ZC3H12B: variants seen among roughly 807,000 people sequenced by gnomAD.
ZC3H12B encodes the protein zinc finger CCCH-type containing 12B.
Under a neutral mutation model 43.9 loss-of-function variants are expected in ZC3H12B, and 7 were observed. That is an observed-to-expected ratio of 0.16 (90% confidence interval 0.09 to 0.30). ZC3H12B has a LOEUF of 0.30. Among genes scored for constraint, ZC3H12B ranks in the 10% least tolerant of loss-of-function variants. The pLI, the probability that ZC3H12B is intolerant of heterozygous loss-of-function variation, is 1.00. For synonymous variants in ZC3H12B, 222 were observed against 241.7 expected (o/e 0.92, Z 0.76); for missense variants, 475 against 670.2 (o/e 0.71, Z 3.22).
At chrX:65,221,069 A>T in the ZC3H12B span, among the ~76,000 whole-genome samples, 1 of 111,946 alleles carries the variant, frequency 8.9e-6, no homozygotes, top group African/African-American at 3.2e-5. Flanking sequence ...ATGCAAATAC[A>T]TGGAAATTAA....
intron 2 of ZC3H12B, among the ~76,000 whole-genome samples, chrX:65,371,622 C>T (rs2066246045): frequency 8.9e-6 from 1 of 111,996 alleles, no homozygotes; most frequent in African/African-American, 3.2e-5. Context: ...AGACTTGAGA[C>T]TGAAGCTCTG....
the ZC3H12B span, among the ~76,000 whole-genome samples, chrX:65,177,943 C>T: frequency 8.9e-6 from 1 of 112,144 alleles, no homozygotes; most frequent in African/African-American, 3.2e-5. Flanking sequence ...CAAAAATAGC[C>T]TGTATACCCA....
At chrX:65,164,037 T>A in the ZC3H12B span, among the ~76,000 whole-genome samples, 4 of 112,038 alleles carry the variant, frequency 3.6e-5, no homozygotes, top group African/African-American at 1.3e-4. Flanking sequence ...CTTTGCTCAC[T>A]GCCCTGAAAA....
At chrX:65,492,112 G>A (rs1207263689) in intron 1 of ZC3H12B, among the ~76,000 whole-genome samples, 1 of 105,884 alleles carries the variant, frequency 9.4e-6, no homozygotes, top group African/African-American at 3.9e-5. Context: ...TGATTCCCAA[G>A]GCCTACCATT....
At chrX:65,358,888 A>G in the ZC3H12B span, among the ~76,000 whole-genome samples, 1 of 112,199 alleles carries the variant, frequency 8.9e-6, no homozygotes, top group East Asian at 2.8e-4. Context: ...TAGGACTTAT[A>G]TACCTAGACA....
chrX:65,153,221 A>C, the ZC3H12B span, among the ~76,000 whole-genome samples: 2 of 112,178 alleles, frequency 1.8e-5, no homozygotes, highest in African/African-American at 3.2e-5. Context: ...ACAAAAGCCA[A>C]AATTGACAAA....
At chrX:65,437,826 C>T (rs1253228530) in intron 3 of ZC3H12B, among the ~76,000 whole-genome samples, 1 of 112,204 alleles carries the variant, frequency 8.9e-6, no homozygotes, top group Non-Finnish European at 1.9e-5. Flanking sequence ...TTTGCCCAGA[C>T]CAATGTCTTG....
chrX:65,122,004 C>T, the ZC3H12B span, among the ~76,000 whole-genome samples: 1 of 111,465 alleles, frequency 9.0e-6, no homozygotes, highest in African/African-American at 3.3e-5. Context: ...GCACTGTGGT[C>T]TGAGAGACAG....
At chrX:65,500,135 C>T (rs2068344204) in intron 4 of ZC3H12B, 146 bp downstream of exon 9, 1 of 456,188 alleles carries the variant, frequency 2.2e-6, no homozygotes, top group Admixed American at 3.6e-5. Flanking sequence ...TTCGTGTACA[C>T]TGTTAGGTAT....
intron 2 of ZC3H12B, among the ~76,000 whole-genome samples, chrX:65,392,344 C>T (rs1286351215): frequency 8.9e-6 from 1 of 111,934 alleles, no homozygotes; most frequent in African/African-American, 3.2e-5. Context: ...GGCCGCCCAT[C>T]TTCTGGGATG....
At chrX:65,335,678 A>G in the ZC3H12B span, among the ~76,000 whole-genome samples, 914 of 111,963 alleles carry the variant, frequency 8.2e-3, 6 homozygotes, top group Non-Finnish European at 0.013. Context: ...AAAATGGCAA[A>G]GCCTTAACTG....
At chrX:65,066,050 T>C in the ZC3H12B span, among the ~76,000 whole-genome samples, 3 of 109,030 alleles carry the variant, frequency 2.8e-5, no homozygotes, top group African/African-American at 1.0e-4. Context: ...TGTAACCTTT[T>C]TTCAAGGTTT....
chrX:65,127,973 C>G, the ZC3H12B span, among the ~76,000 whole-genome samples: 2 of 111,902 alleles, frequency 1.8e-5, no homozygotes, highest in Non-Finnish European at 3.8e-5. Context: ...AAAAAGCAAG[C>G]AGACTCACAG....
At chrX:65,216,387 G>T in the ZC3H12B span, among the ~76,000 whole-genome samples, 1 of 111,116 alleles carries the variant, frequency 9.0e-6, no homozygotes, top group South Asian at 3.8e-4. Context: ...CTCAACACTG[G>T]GCAGAACTTT....
the ZC3H12B span, among the ~76,000 whole-genome samples, chrX:65,054,161 T>A: frequency 8.9e-6 from 1 of 112,100 alleles, no homozygotes; most frequent in African/African-American, 3.2e-5. Context: ...GCTTTTGGTG[T>A]TTTAGACATG....
chrX:65,097,438 A>T, the ZC3H12B span, among the ~76,000 whole-genome samples: 1 of 111,527 alleles, frequency 9.0e-6, no homozygotes, highest in Admixed American at 9.5e-5. Flanking sequence ...TAGTTTATAT[A>T]GTTGTTGGTT....
chrX:65,068,994 A>G, the ZC3H12B span, among the ~76,000 whole-genome samples: 1 of 108,658 alleles, frequency 9.2e-6, no homozygotes, highest in Admixed American at 9.9e-5. Flanking sequence ...GTCTGCTGTC[A>G]GATGTATTGG....
At chrX:65,062,045 T>A in the ZC3H12B span, among the ~76,000 whole-genome samples, 1 of 112,478 alleles carries the variant, frequency 8.9e-6, no homozygotes, top group Non-Finnish European at 1.9e-5. Context: ...TTAAGTTCCT[T>A]GTAGATTCTG....
the ZC3H12B span, among the ~76,000 whole-genome samples, chrX:65,300,049 G>T: frequency 2.7e-5 from 3 of 112,507 alleles, no homozygotes; most frequent in Admixed American, 9.4e-5. Flanking sequence ...TCTCACAAGG[G>T]TGTTTGGGTA....
Sources: gnomAD v4.1 joint callset for allele counts (sites outside exome capture counted in the v4.1 genomes callset) on GRCh38, gnomAD v4.1.1 for gene constraint, MANE v1.5 for transcripts, NCBI Gene and HGNC (gene_info 2026-07-23, HGNC 2026-07-21) for gene names.